The following ARID5B variants were observed in gnomAD, a reference collection of about 807,000 sequenced individuals.
The protein encoded by ARID5B is AT-rich interaction domain 5B.
Under a neutral mutation model 97.2 loss-of-function variants are expected in ARID5B, and 13 were observed. That is an observed-to-expected ratio of 0.13 (90% CI 0.09 to 0.21). The LOEUF is 0.21. ARID5B is among the 10% of genes least tolerant of loss of function. ARID5B has a pLI of 1.00. For missense variants in ARID5B, 1,210 were observed against 1,465.3 expected (o/e 0.83, Z 2.84); for synonymous variants, 556 against 570.3 (o/e 0.97, Z 0.36).
In ARID5B at chr10:61,912,660, G is replaced by A. The variant is rs1428997228; in HGVS notation, c.276+10247G>A. Among the ~76,000 whole-genome samples the A allele has an allele frequency of 7.0e-5, 10 of 142,314 alleles. No individual in the cohort carries two copies. The East Asian group carries it at 2.0e-3, about 28-fold the overall frequency. 93.4% of individuals were successfully genotyped at this position (142,314 alleles called of 152,430 possible). A position where few individuals can be genotyped will look rare whatever the true frequency, so the allele number is the denominator to read the frequency against. ...TATATAATTATGTGTGTATATATATGCATGTTTATATATATATATATATAT... is the reference window on the plus strand; with the variant it reads ...TATATAATTATGTGTGTATATATATACATGTTTATATATATATATATATAT... On this transcript the variant is annotated intron_variant, in intron 2 of 9. Transcript: ENST00000279873.
chr10:62,053,028 C>G (rs1282886927), intron 5 of ARID5B, among the ~76,000 whole-genome samples: 2 of 152,196 alleles, frequency 1.3e-5, no homozygotes, highest in Admixed American at 6.5e-5. Flanking sequence ...TTGACACCAA[C>G]AGGCAGATGT....
chr10:62,066,049 T>C (rs79855803), intron 7 of ARID5B, among the ~76,000 whole-genome samples: 2,933 of 152,244 alleles, frequency 0.019, 42 homozygotes, highest in Non-Finnish European at 0.029. Context: ...GAGGCAGACG[T>C]TGGTTTTATT....
chr10:61,949,708 G>T lies in ARID5B; in HGVS notation c.502+9300G>T, dbSNP rs141909985. Among the ~76,000 whole-genome samples, 227 of 152,224 alleles carry T rather than the reference G, an allele frequency of 1.5e-3. 3 individuals carry two copies. Among genetic ancestry groups the T allele is most frequent in the African/African-American group, 5.4e-3 (223 of 41,536 alleles). On this transcript the variant is annotated intron_variant, in intron 3 of 9. Coordinates refer to ENST00000279873, the MANE Select transcript of ARID5B (RefSeq NM_032199.3). ...ACAGTGAATTCATAATTTTGTTTTA[G>T]CTTCATTAATTTGAAATGTTAATTT...
chr10:62,067,369 C>T lies in ARID5B; in HGVS notation c.1102-2331C>T, dbSNP rs150671679. Among the ~76,000 whole-genome samples, 496 of 152,308 alleles carry T rather than the reference C, an allele frequency of 3.3e-3. 5 individuals carry two copies. Among genetic ancestry groups the T allele is most frequent in the African/African-American group, 0.011 (461 of 41,572 alleles). On this transcript the variant is annotated intron_variant, in intron 7 of 9. Transcript: ENST00000279873. ...AAGTGCTGGGGTTATAGGCGTGAGCCACCATGCCCGGCCAGAACTTCTGTT... is the reference window on the plus strand; with the variant it reads ...AAGTGCTGGGGTTATAGGCGTGAGCTACCATGCCCGGCCAGAACTTCTGTT...
rs541538918 is a variant in ARID5B, at chr10:62,036,422, C to T, written c.734-14466C>T. Among the ~76,000 whole-genome samples the T allele has an allele frequency of 2.5e-3, 379 of 152,056 alleles. 2 individuals carry two copies. The highest frequency in any genetic ancestry group is 8.3e-3 in the African/African-American group (346 of 41,478). ...CTAGCAAGCAGGTGGCGGTTGTTGACGCCCAATGCCAGAGCACTTTCCTGA... is the reference window on the plus strand; with the variant it reads ...CTAGCAAGCAGGTGGCGGTTGTTGATGCCCAATGCCAGAGCACTTTCCTGA... On this transcript the variant is annotated intron_variant, in intron 4 of 9. Coordinates refer to ENST00000279873, the MANE Select transcript of ARID5B (RefSeq NM_032199.3).
intron 2 of ARID5B, among the ~76,000 whole-genome samples, chr10:61,918,526 T>C (rs2132766818): frequency 6.6e-6 from 1 of 152,348 alleles, no homozygotes; most frequent in East Asian, 1.9e-4. Flanking sequence ...CCTTAATAAC[T>C]AATTTATGGG....
intron 4 of ARID5B, among the ~76,000 whole-genome samples, chr10:62,020,565 T>C (rs1330346286): frequency 1.3e-5 from 2 of 152,182 alleles, no homozygotes; most frequent in African/African-American, 4.8e-5. Context: ...CAGGGGCATT[T>C]TCTTTAGCTT....
At chr10:61,985,356 T>TAAAGAG (rs1279656129) in intron 3 of ARID5B, among the ~76,000 whole-genome samples, 2 of 151,928 alleles carry the variant, frequency 1.3e-5, no homozygotes, top group Non-Finnish European at 2.9e-5. Flanking sequence ...AGAGGGATGG[T>TAAAGAG]GGCTTTTGGT....
intron 4 of ARID5B, among the ~76,000 whole-genome samples, chr10:62,026,067 C>A (rs1839416807): frequency 6.6e-6 from 1 of 152,204 alleles, no homozygotes; most frequent in Non-Finnish European, 1.5e-5. Flanking sequence ...CACTCATTTA[C>A]CACCCTCTTT....
chr10:61,957,833 C>G (rs1838413825), intron 3 of ARID5B, among the ~76,000 whole-genome samples: 1 of 152,134 alleles, frequency 6.6e-6, no homozygotes, highest in Non-Finnish European at 1.5e-5. Flanking sequence ...CAGTGCTGAT[C>G]TAGAGAGATT....
At chr10:62,089,449 C>CCCTT (rs755759159) in intron 9 of ARID5B, among the ~76,000 whole-genome samples, 5 of 151,036 alleles carry the variant, frequency 3.3e-5, no homozygotes, top group Non-Finnish European at 7.4e-5. Context: ...GGCAGACCCA[C>CCCTT]CCTTCCTTCC....
chr10:62,016,302 A>G (rs1049919953), intron 4 of ARID5B, among the ~76,000 whole-genome samples: 1 of 152,262 alleles, frequency 6.6e-6, no homozygotes, highest in Non-Finnish European at 1.5e-5. Context: ...GACCCTGTAC[A>G]GAAAAATGTA....
chr10:62,057,657 A>G (rs1490707240), intron 6 of ARID5B, among the ~76,000 whole-genome samples: 1 of 152,194 alleles, frequency 6.6e-6, no homozygotes, highest in Non-Finnish European at 1.5e-5. Context: ...TAGCTTTATC[A>G]GGCACAGATG....
intron 3 of ARID5B, among the ~76,000 whole-genome samples, chr10:61,999,627 A>G (rs1384187379): frequency 6.6e-6 from 1 of 152,218 alleles, no homozygotes; most frequent in East Asian, 1.9e-4. Flanking sequence ...TACTGAATGC[A>G]TGTTGCTTTT....
chr10:61,936,276 G>C (rs907605295), intron 2 of ARID5B, among the ~76,000 whole-genome samples: 3 of 152,092 alleles, frequency 2.0e-5, no homozygotes, highest in African/African-American at 7.2e-5. Flanking sequence ...CCCATAAATA[G>C]TAAATACAAA....
chr10:62,025,205 C>A (rs1444166794), intron 4 of ARID5B: 1 of 152,208 alleles, frequency 6.6e-6, no homozygotes, highest in Non-Finnish European at 1.5e-5. Context: ...AATACAGTAA[C>A]TGATCACATA....
In ARID5B at chr10:62,000,942, G is replaced by A. The variant is rs796515140; in HGVS notation, c.733+621G>A. ...CATACACACACATGCACACGTACAC[G>A]CACATTGTGCCCACCAAAGATGGAT... On this transcript the variant is annotated intron_variant, in intron 4 of 9. Transcript: ENST00000279873. This position sits in a 1 kb window ranked among gnomAD's most constrained non-coding sequence, Gnocchi z 4.4. Among the ~76,000 whole-genome samples, 7 of 152,148 alleles carry A rather than the reference G, an allele frequency of 4.6e-5. No individual in the cohort carries two copies. The highest frequency in any genetic ancestry group is 1.2e-4 in the African/African-American group (5 of 41,504).
At chr10:62,053,519 AGATCTCAT>A (rs1839818584) in intron 5 of ARID5B, among the ~76,000 whole-genome samples, 1 of 152,256 alleles carries the variant, frequency 6.6e-6, no homozygotes, top group African/African-American at 2.4e-5. Flanking sequence ...AGTTCTTTGA[AGATCTCAT>A]GACTGTGTTC....
chr10:61,930,241 A>T (rs1844179840), intron 2 of ARID5B, among the ~76,000 whole-genome samples: 1 of 152,212 alleles, frequency 6.6e-6, no homozygotes, highest in Non-Finnish European at 1.5e-5. Context: ...TGTAGAGGTG[A>T]TAGATGTTGG....
Sources: gnomAD v4.1 joint callset for allele counts (sites outside exome capture counted in the v4.1 genomes callset) on GRCh38, gnomAD v4.1.1 for gene constraint, Gnocchi (gnomAD v3.1) non-coding constraint, MANE v1.5 for transcripts, NCBI Gene and HGNC (gene_info 2026-07-23, HGNC 2026-07-21) for gene names.